Variants in CLDN10 observed in about 807,000 individuals in gnomAD.
CLDN10 encodes claudin 10.
In CLDN10, 15 loss-of-function variants were observed where a neutral mutation model predicts 22.9. The ratio of observed to expected loss-of-function variants is 0.65; its 90% CI spans 0.44 to 1.01. The LOEUF is 1.01. Among genes scored for constraint, CLDN10 ranks in the 50% least tolerant of loss-of-function variants. CLDN10 has a pLI of 0.00. For synonymous variants in CLDN10, 114 were observed against 111.4 expected, an observed-to-expected ratio of 1.02 and a Z score of -0.15; for missense variants, 247 against 287.8, an observed-to-expected ratio of 0.86 and a Z score of 1.03.
At chr13:95,439,774 A>T (rs115472027) in intron 1 of CLDN10, among the ~76,000 whole-genome samples, 4,689 of 152,290 alleles carry the variant, frequency 0.031, 233 homozygotes, top group African/African-American at 0.11. Context: ...AGGGGCACAC[A>T]AAGAGTCACA....
chr13:95,460,777 G>T (rs1263286598), intron 1 of CLDN10, among the ~76,000 whole-genome samples: 1 of 151,730 alleles, frequency 6.6e-6, no homozygotes, highest in East Asian at 2.0e-4. Context: ...CTCTGGAGTA[G>T]CTGTGATTAC....
chr13:95,554,458 C>T (rs891916137), intron 1 of CLDN10, among the ~76,000 whole-genome samples: 3 of 152,210 alleles, frequency 2.0e-5, no homozygotes, highest in African/African-American at 7.2e-5. Flanking sequence ...AAAGTTTTCT[C>T]CTACATGTCT....
intron 1 of CLDN10, among the ~76,000 whole-genome samples, chr13:95,540,343 T>TAAATAC (rs1440046828): frequency 1.5e-5 from 2 of 135,556 alleles, no homozygotes; most frequent in Admixed American, 7.4e-5. Context: ...TAAATAAATA[T>TAAATAC]TAGCCTGGCA....
intron 1 of CLDN10, among the ~76,000 whole-genome samples, chr13:95,530,143 A>G (rs1280664130): frequency 6.6e-6 from 1 of 151,850 alleles, no homozygotes; most frequent in Non-Finnish European, 1.5e-5. Context: ...TTTCCTCTTG[A>G]TTCACCTAAT....
chr13:95,572,913 AG>A (rs2043880506), intron 3 of CLDN10, among the ~76,000 whole-genome samples: 1 of 152,206 alleles, frequency 6.6e-6, no homozygotes, highest in Non-Finnish European at 1.5e-5. Context: ...GGAAGACAAA[AG>A]CAGGAGGTGA....
chr13:95,541,941 G>C (rs1318313171), intron 1 of CLDN10, among the ~76,000 whole-genome samples: 2 of 152,188 alleles, frequency 1.3e-5, no homozygotes, highest in African/African-American at 2.4e-5. Context: ...AATTTATAAA[G>C]AGAAAAGGTT....
upstream of CLDN10, chr13:95,552,649 ACGGTG>A (rs2043579377): frequency 3.0e-6 from 4 of 1,340,948 alleles, no homozygotes; most frequent in Non-Finnish European, 3.9e-6. Flanking sequence ...GTGGGCGGGG[ACGGTG>A]GGCGGAGGCG....
chr13:95,536,817 T>A (rs1226779847), intron 1 of CLDN10, among the ~76,000 whole-genome samples: 5 of 152,226 alleles, frequency 3.3e-5, no homozygotes, highest in East Asian at 1.9e-4. Context: ...AAAGTTCATA[T>A]TGAAATGTCT....
chr13:95,470,967 A>G (rs925637827), intron 1 of CLDN10, among the ~76,000 whole-genome samples: 17 of 152,102 alleles, frequency 1.1e-4, no homozygotes, highest in Non-Finnish European at 1.6e-4. Flanking sequence ...GGTGCTGGGG[A>G]AAGTGAAGGA....
intron 1 of CLDN10, among the ~76,000 whole-genome samples, chr13:95,444,322 TGC>T (rs2042351857): frequency 3.3e-5 from 5 of 152,362 alleles, no homozygotes; most frequent in African/African-American, 1.2e-4. Flanking sequence ...TGGCTTGAAT[TGC>T]AGAAGGCAGC....
At position 95,560,405 on chromosome 13, in the gene CLDN10, T is replaced by C; in HGVS notation, c.406T>C (p.Ser136Pro). The C allele has an allele frequency of 6.2e-7, 1 of 1,614,106 alleles. No homozygotes were observed. Among genetic ancestry groups the C allele is most frequent in the Non-Finnish European group, 8.5e-7 (1 of 1,179,944 alleles). ...AGGGCTGTGCTCAATGACTGGATGT[T>C]CCCTATATGCAAACAAAATCACAAC... ...LSGLCSMTGC[S>P]LYANKITTEF... The change falls in exon 3 of 5, where the codon TCC becomes CCC. Residue 136 changes from serine to proline, a missense_variant. Transcript: ENST00000299339.
chr13:95,536,754 G>A (rs1346338614), intron 1 of CLDN10, among the ~76,000 whole-genome samples: 1 of 151,558 alleles, frequency 6.6e-6, no homozygotes, highest in African/African-American at 2.4e-5. Flanking sequence ...CCTTTCCCAC[G>A]GTCCTTACAA....
In CLDN10 at chr13:95,578,428, T is replaced by C. The variant is rs1423374660; in HGVS notation, c.*414T>C. On this transcript the variant is annotated 3_prime_UTR_variant, in exon 5 of 5. Transcript: ENST00000299339. ...TCTTATAAACAGCATGGGGGCAATCTGAGAATATTCCTCAAAAGGTGTCCA... is the reference window on the plus strand; with the variant it reads ...TCTTATAAACAGCATGGGGGCAATCCGAGAATATTCCTCAAAAGGTGTCCA... 6.6e-6 allele frequency: 1 copy of C among 152,636 alleles called. No individual in the cohort carries two copies. The highest frequency in any genetic ancestry group is 2.4e-5 in the African/African-American group (1 of 41,478). 9.5% of individuals were successfully genotyped at this position (152,636 alleles called of 1,614,324 possible). A position where few individuals can be genotyped will look rare whatever the true frequency, so the allele number is the denominator to read the frequency against.
At chr13:95,552,283 C>A (rs949739423), upstream of CLDN10, among the ~76,000 whole-genome samples, 2 of 152,076 alleles carry the variant, frequency 1.3e-5, no homozygotes, top group Non-Finnish European at 2.9e-5. Flanking sequence ...AGTTACCAAA[C>A]CGTGTCCTTT....
intron 1 of CLDN10, chr13:95,479,833 C>T (rs549901560): frequency 6.6e-6 from 1 of 152,330 alleles, no homozygotes; most frequent in East Asian, 1.9e-4. Flanking sequence ...CTCCCACATC[C>T]CCTGCAAGAG....
chr13:95,550,320 G>A (rs2043550074), upstream of CLDN10, among the ~76,000 whole-genome samples: 1 of 152,150 alleles, frequency 6.6e-6, no homozygotes, highest in Non-Finnish European at 1.5e-5. Flanking sequence ...AACAAACAAT[G>A]TGCCTTTGGA....
At chr13:95,565,658 G>A (rs1382612304) in intron 3 of CLDN10, among the ~76,000 whole-genome samples, 2 of 151,882 alleles carry the variant, frequency 1.3e-5, no homozygotes. Flanking sequence ...TAAGTTCTAG[G>A]GTACATGTGC....
upstream of CLDN10, among the ~76,000 whole-genome samples, chr13:95,552,537 A>AC (rs533205203): frequency 2.6e-5 from 4 of 151,406 alleles, no homozygotes; most frequent in East Asian, 7.9e-4. Context: ...CAGATGGAGA[A>AC]CCCGGGGGGC....
Position 95,578,070 on chromosome 13 carries a change from A to G in CLDN10, c.*56A>G. ...TTGTTATAAAAGCGAACTGTTCACA[A>G]AATGATCCCATCAAGGCCCTCCCAT... is the stretch of plus-strand genomic sequence containing the variant. On this transcript the variant is annotated 3_prime_UTR_variant, in exon 5 of 5. Coordinates refer to ENST00000299339, the MANE Select transcript of CLDN10 (RefSeq NM_006984.5). The G allele has an allele frequency of 2.0e-6, 2 of 992,696 alleles. No homozygotes were observed. Among genetic ancestry groups the G allele is most frequent in the East Asian group, 2.5e-5 (1 of 39,854 alleles). The allele number at this position is 992,696 out of a possible 1,614,324, so 61.5% of individuals were successfully genotyped here. A position where few individuals can be genotyped will look rare whatever the true frequency, so the allele number is the denominator to read the frequency against.
Sources: allele counts gnomAD v4.1 joint callset (sites outside exome capture counted in the v4.1 genomes callset), GRCh38; gene constraint gnomAD v4.1.1; transcripts MANE v1.5; gene names NCBI Gene and HGNC (gene_info 2026-07-23, HGNC 2026-07-21).